Variants in SLC39A10 observed in about 807,000 individuals in gnomAD.
SLC39A10 encodes the protein zinc transporter ZIP10.
A neutral mutation model predicts 65.1 loss-of-function variants in SLC39A10; 13 were observed. The ratio of observed to expected loss-of-function variants is 0.20; its 90% CI spans 0.13 to 0.32. The LOEUF (loss-of-function observed/expected upper bound fraction) is 0.32. Ranked by LOEUF, SLC39A10 falls within the 10% of genes least tolerant of loss-of-function variation. The probability of loss-of-function intolerance (pLI) is 1.00; values close to 1 mark genes in which losing one functional copy is unlikely to be tolerated. For missense variants in SLC39A10, 831 were observed against 1,018.4 expected, an observed-to-expected ratio of 0.82 and a Z score of 2.50; for synonymous variants, 321 against 342.2, an observed-to-expected ratio of 0.94 and a Z score of 0.68.
chr2:195,653,080 T>A (rs765557443), upstream of SLC39A10, among the ~76,000 whole-genome samples: 17 of 151,946 alleles, frequency 1.1e-4, no homozygotes, highest in Non-Finnish European at 2.4e-4. Flanking sequence ...CCAAAAAAAG[T>A]TGGGGACTGC....
At chr2:195,624,809 G>A (rs1688428936) in intron 2 of SLC39A10, among the ~76,000 whole-genome samples, 1 of 149,350 alleles carries the variant, frequency 6.7e-6, no homozygotes, top group South Asian at 2.1e-4. Flanking sequence ...AACCCAGAAG[G>A]CGGAGATTGC....
chr2:195,660,078 T>G (rs1689326306), intron 1 of SLC39A10, among the ~76,000 whole-genome samples: 1 of 152,212 alleles, frequency 6.6e-6, no homozygotes, highest in South Asian at 2.1e-4. Flanking sequence ...CAGTTTTTTT[T>G]GTCACATACT....
intron 2 of SLC39A10, among the ~76,000 whole-genome samples, chr2:195,618,177 C>T (rs1250264927): frequency 1.3e-5 from 2 of 151,668 alleles, no homozygotes; most frequent in South Asian, 4.2e-4. Context: ...ATGGTGAAAC[C>T]GTGTCTCTAC....
At chr2:195,709,538 A>C (rs963009907) in intron 5 of SLC39A10, among the ~76,000 whole-genome samples, 3 of 151,910 alleles carry the variant, frequency 2.0e-5, no homozygotes, top group Non-Finnish European at 4.4e-5. Context: ...GGTGCCCTCT[A>C]ACTATTAAAA....
chr2:195,734,159 TAA>T (rs35001848), intron 9 of SLC39A10, among the ~76,000 whole-genome samples: 16 of 116,554 alleles, frequency 1.4e-4, no homozygotes, highest in Admixed American at 4.5e-4. Flanking sequence ...CCTTTTTTTT[TAA>T]AAAAAAAAAA....
intron 8 of SLC39A10, among the ~76,000 whole-genome samples, chr2:195,727,466 T>G (rs772456595): frequency 1.3e-5 from 2 of 152,146 alleles, no homozygotes; most frequent in African/African-American, 4.8e-5. Context: ...CACGGAAAAG[T>G]GGTAGGAAGA....
chr2:195,659,404 C>T (rs1447944177), intron 1 of SLC39A10, among the ~76,000 whole-genome samples: 1 of 152,138 alleles, frequency 6.6e-6, no homozygotes, highest in Non-Finnish European at 1.5e-5. Context: ...GAGTAGGCCT[C>T]AAGTGTCGTA....
chr2:195,664,532 A>C (rs574644944), intron 1 of SLC39A10, among the ~76,000 whole-genome samples: 34 of 152,284 alleles, frequency 2.2e-4, no homozygotes, highest in African/African-American at 7.9e-4. Flanking sequence ...AAGGAACAGA[A>C]CTGCAGGGTT....
chr2:195,664,922 C>T (rs1689575268), intron 1 of SLC39A10, among the ~76,000 whole-genome samples: 1 of 152,178 alleles, frequency 6.6e-6, no homozygotes, highest in African/African-American at 2.4e-5. Flanking sequence ...GTGGCTCACA[C>T]CTGTAATCCC....
intron 2 of SLC39A10, among the ~76,000 whole-genome samples, chr2:195,682,121 C>T (rs538596183): frequency 2.6e-4 from 39 of 152,308 alleles, no homozygotes; most frequent in African/African-American, 8.9e-4. Flanking sequence ...TTCTTTTTAA[C>T]TATTCACCTT....
At chr2:195,644,968 G>A (rs1048431430) in intron 2 of SLC39A10, among the ~76,000 whole-genome samples, 6 of 151,534 alleles carry the variant, frequency 4.0e-5, no homozygotes, top group Non-Finnish European at 8.8e-5. Flanking sequence ...GGAGTGCAAT[G>A]GCGTGATCTC....
chr2:195,673,407 C>G (rs1315687662), intron 1 of SLC39A10, among the ~76,000 whole-genome samples: 1 of 152,200 alleles, frequency 6.6e-6, no homozygotes, highest in African/African-American at 2.4e-5. Context: ...ATCCGCCAAC[C>G]TCTGCCTCCC....
rs188897187 is a variant in SLC39A10 at position 195,720,318 on chromosome 2, C to A, written c.2146+1986C>A. On this transcript the variant is annotated intron_variant, in intron 8 of 9. Transcript: ENST00000359634. ...ATTGGTTTACCAATTTAGTTTCTCT[C>A]CACATGCAATACTACTTTGGTTTTC... 6.1e-3 allele frequency among the ~76,000 whole-genome samples: 931 copies of A among 152,282 alleles called. 5 individuals are homozygous for A. Among genetic ancestry groups the A allele is most frequent in the Non-Finnish European group, 0.01 (714 of 68,026 alleles).
chr2:195,727,363 T>C (rs1256715122), intron 8 of SLC39A10, among the ~76,000 whole-genome samples: 2 of 152,184 alleles, frequency 1.3e-5, no homozygotes, highest in African/African-American at 2.4e-5. Flanking sequence ...CTTTGGAGTA[T>C]GGCTTAATAA....
intron 2 of SLC39A10, among the ~76,000 whole-genome samples, chr2:195,683,497 G>A (rs541796756): frequency 6.6e-6 from 1 of 152,056 alleles, no homozygotes; most frequent in East Asian, 1.9e-4. Flanking sequence ...AATTATTAAA[G>A]TCCATGAAAA....
At chr2:195,654,205 C>G (rs976306670), upstream of SLC39A10, among the ~76,000 whole-genome samples, 3 of 152,168 alleles carry the variant, frequency 2.0e-5, no homozygotes, top group African/African-American at 7.2e-5. Context: ...TCCCGAAGTG[C>G]TGGGATTACA....
At chr2:195,675,467 G>A (rs993837040) in intron 1 of SLC39A10, among the ~76,000 whole-genome samples, 2 of 152,094 alleles carry the variant, frequency 1.3e-5, no homozygotes, top group African/African-American at 2.4e-5. Flanking sequence ...ACATAGTCTC[G>A]CTCTGTCGCC....
intron 1 of SLC39A10, 73 bp downstream of exon 1, chr2:195,657,354 TC>T: frequency 1.0e-6 from 1 of 981,990 alleles, no homozygotes; most frequent in Non-Finnish European, 1.2e-6. Flanking sequence ...AGACTGCGAG[TC>T]CCGGGACGGC....
intron 1 of SLC39A10, among the ~76,000 whole-genome samples, chr2:195,663,345 T>G (rs1052265422): frequency 2.6e-5 from 4 of 152,206 alleles, no homozygotes; most frequent in Non-Finnish European, 5.9e-5. Flanking sequence ...TTATTTTGCT[T>G]GCATGTGAAG....
Sources: allele counts gnomAD v4.1 joint callset (sites outside exome capture counted in the v4.1 genomes callset), GRCh38; gene constraint gnomAD v4.1.1; transcripts MANE v1.5; gene names NCBI Gene and HGNC (gene_info 2026-07-23, HGNC 2026-07-21).